ZNF33B: variants seen among roughly 807,000 people sequenced by gnomAD.
The protein encoded by ZNF33B is zinc finger protein 11b (KOX 2).
A neutral mutation model predicts 45.8 loss-of-function variants in ZNF33B; 29 were observed. The ratio of observed to expected loss-of-function variants is 0.63; its 90% CI spans 0.47 to 0.86. ZNF33B has a LOEUF of 0.86. Among genes scored for constraint, ZNF33B ranks in the 40% least tolerant of loss-of-function variants. The pLI is 0.00. For synonymous variants in ZNF33B, 305 were observed against 307.8 expected (o/e 0.99, Z 0.10); for missense variants, 831 against 909.9 (o/e 0.91, Z 1.12).
chr10:42,616,980 C>T (rs568633822), intron 4 of ZNF33B, among the ~76,000 whole-genome samples: 2 of 151,788 alleles, frequency 1.3e-5, no homozygotes, highest in South Asian at 2.1e-4. Flanking sequence ...AGGCATGAAC[C>T]AACGCACCCA....
intron 4 of ZNF33B, among the ~76,000 whole-genome samples, chr10:42,606,254 CAG>C (rs1172378397): frequency 2.0e-5 from 3 of 152,022 alleles, no homozygotes; most frequent in African/African-American, 7.2e-5. Flanking sequence ...CATCTGTGGT[CAG>C]GGGTTCGTGA....
chr10:42,607,215 A>T (rs1837899496), intron 4 of ZNF33B, among the ~76,000 whole-genome samples: 1 of 152,194 alleles, frequency 6.6e-6, no homozygotes, highest in South Asian at 2.1e-4. Flanking sequence ...GTAGATTTTG[A>T]TAAGGTAAGA....
intron 4 of ZNF33B, among the ~76,000 whole-genome samples, chr10:42,613,732 T>C (rs996472940): frequency 2.0e-5 from 3 of 152,202 alleles, no homozygotes; most frequent in Non-Finnish European, 2.9e-5. Context: ...GATGGTTACA[T>C]GTAGAACTAT....
At chr10:42,613,312 G>A (rs289180) in intron 4 of ZNF33B, among the ~76,000 whole-genome samples, 8 of 152,118 alleles carry the variant, frequency 5.3e-5, no homozygotes, top group African/African-American at 9.7e-5. Context: ...TTGGGAGGCC[G>A]AGGTGGGTGG....
At chr10:42,580,508 G>C (rs1836808398) in intron 1 of ZNF33B, among the ~76,000 whole-genome samples, 1 of 151,814 alleles carries the variant, frequency 6.6e-6, no homozygotes, top group Non-Finnish European at 1.5e-5. Flanking sequence ...AAAGTGCTGG[G>C]GTTACAGGAG....
intron 4 of ZNF33B, among the ~76,000 whole-genome samples, chr10:42,626,685 CTAAA>C (rs34210822): frequency 0.021 from 3,044 of 142,424 alleles, 90 homozygotes; most frequent in Admixed American, 0.091. Context: ...AAGACTCCAT[CTAAA>C]TAAATAAATA....
At position 42,635,386 on chromosome 10, in the gene ZNF33B, G is replaced by A. The variant is rs149877745; in HGVS notation, c.9+1534C>T. Among the ~76,000 whole-genome samples, 556 of 152,260 alleles carry A rather than the reference G, an allele frequency of 3.7e-3. 4 individuals carry two copies. Among genetic ancestry groups the A allele is most frequent in the Non-Finnish European group, 5.6e-3 (381 of 68,012 alleles). On this transcript the variant is annotated intron_variant, in intron 2 of 4. Transcript: ENST00000359467. Reference sequence around the variant, plus strand: ...AGGGAGGTGTCAGGATTGTGAGGGGGACAAGACGGCAGCTGCAGGAGGGCT... The same window carrying A: ...AGGGAGGTGTCAGGATTGTGAGGGGAACAAGACGGCAGCTGCAGGAGGGCT...
intron 4 of ZNF33B, among the ~76,000 whole-genome samples, chr10:42,596,457 A>G (rs1837403312): frequency 6.6e-6 from 1 of 152,124 alleles, no homozygotes; most frequent in Admixed American, 6.6e-5. Context: ...ATTTCCACAT[A>G]AGGTTTAGAA....
intron 4 of ZNF33B, among the ~76,000 whole-genome samples, chr10:42,623,170 G>T (rs1372170423): frequency 6.6e-6 from 1 of 152,210 alleles, no homozygotes; most frequent in Non-Finnish European, 1.5e-5. Flanking sequence ...GGGAAGCTGA[G>T]GCAGGAGAAT....
chr10:42,574,707 G>A (rs896483553), intron 1 of ZNF33B: 1 of 151,732 alleles, frequency 6.6e-6, no homozygotes, highest in East Asian at 1.9e-4. Flanking sequence ...AGCACTGTGA[G>A]GATTATATTA....
chr10:42,584,507 C>A (rs1836889774), downstream of ZNF33B, among the ~76,000 whole-genome samples: 1 of 151,732 alleles, frequency 6.6e-6, no homozygotes, highest in Non-Finnish European at 1.5e-5. Flanking sequence ...AAGCAAGGGG[C>A]CACCCCTTTC....
At chr10:42,611,366 T>C (rs1223083709) in intron 4 of ZNF33B, among the ~76,000 whole-genome samples, 2 of 151,176 alleles carry the variant, frequency 1.3e-5, no homozygotes, top group Non-Finnish European at 3.0e-5. Flanking sequence ...AAAAGAAAAA[T>C]CACCTTTTCA....
chr10:42,590,342 T>C lies in ZNF33B; in HGVS notation c.*2271A>G, dbSNP rs996929591. 6.6e-6 allele frequency: 1 copy of C among 152,150 alleles called. No individual in the cohort carries two copies. Among genetic ancestry groups the C allele is most frequent in the African/African-American group, 2.4e-5 (1 of 41,426 alleles). The allele number at this position is 152,150 out of a possible 1,614,324, so 9.4% of individuals were successfully genotyped here. A position where few individuals can be genotyped will look rare whatever the true frequency, so the allele number is the denominator to read the frequency against. ...CCTTAAGTATCTCGAAAAATGCACA[T>C]CAGTGAATCCATTTGGTCCCGGCAC... On this transcript the variant is annotated 3_prime_UTR_variant, in exon 5 of 5. Coordinates refer to ENST00000359467, the MANE Select transcript of ZNF33B (RefSeq NM_006955.3).
At chr10:42,621,263 T>C (rs1838570777) in intron 4 of ZNF33B, among the ~76,000 whole-genome samples, 1 of 151,804 alleles carries the variant, frequency 6.6e-6, no homozygotes, top group South Asian at 2.1e-4. Context: ...GCCTGGGAGT[T>C]CGAGGCTACA....
chr10:42,602,461 A>G (rs1837669709), intron 4 of ZNF33B, among the ~76,000 whole-genome samples: 1 of 152,208 alleles, frequency 6.6e-6, no homozygotes, highest in Non-Finnish European at 1.5e-5. Context: ...CTCTTTGAGA[A>G]AGCTCATGTT....
intron 4 of ZNF33B, among the ~76,000 whole-genome samples, chr10:42,606,441 G>C (rs1171507060): frequency 6.6e-6 from 1 of 152,070 alleles, no homozygotes; most frequent in Non-Finnish European, 1.5e-5. Flanking sequence ...CTCCAGCCTG[G>C]GCAACAAAGC....
At chr10:42,605,668 CAAT>C (rs1239720245) in intron 4 of ZNF33B, among the ~76,000 whole-genome samples, 1 of 152,026 alleles carries the variant, frequency 6.6e-6, no homozygotes, top group African/African-American at 2.4e-5. Context: ...TGGGTAAAGG[CAAT>C]GATACGAGAG....
At chr10:42,637,005 A>T in intron 1 of ZNF33B, 33 bp from the exon 2 acceptor site, 1 of 1,609,046 alleles carries the variant, frequency 6.2e-7, no homozygotes. Flanking sequence ...GGGTCATGAA[A>T]GATTTGGCCT....
At chr10:42,631,556 G>A (rs545474309) in intron 4 of ZNF33B, among the ~76,000 whole-genome samples, 119 of 152,218 alleles carry the variant, frequency 7.8e-4, no homozygotes, top group Middle Eastern at 6.8e-3. Context: ...ATTATTTGCT[G>A]AGTTTAAAAA....
Sources: allele counts gnomAD v4.1 joint callset (sites outside exome capture counted in the v4.1 genomes callset), GRCh38; gene constraint gnomAD v4.1.1; transcripts MANE v1.5; gene names NCBI Gene and HGNC (gene_info 2026-07-23, HGNC 2026-07-21).